The following ATP6V1C2 variants were observed in gnomAD, a reference collection of about 807,000 sequenced individuals.
ATP6V1C2 encodes V-type proton ATPase subunit C 2.
In ATP6V1C2, 45 loss-of-function variants were observed where a neutral mutation model predicts 56.8. That is an observed-to-expected ratio of 0.79 (90% CI 0.62 to 1.02). ATP6V1C2 has a LOEUF of 1.02. Ranked by LOEUF, ATP6V1C2 falls within the 50% of genes least tolerant of loss-of-function variation. The probability of loss-of-function intolerance (pLI) is 0.00; values close to 1 mark genes in which losing one functional copy is unlikely to be tolerated. For missense variants in ATP6V1C2, 463 were observed against 519.7 expected (o/e 0.89, Z 1.06); for synonymous variants, 220 against 201.3 (o/e 1.09, Z -0.79).
intron 6 of ATP6V1C2, among the ~76,000 whole-genome samples, chr2:10,770,269 G>A (rs897955034): frequency 2.6e-5 from 4 of 152,034 alleles, no homozygotes; most frequent in East Asian, 1.9e-4. Flanking sequence ...GTCATGGTGC[G>A]TGCCTGTAAT....
chr2:10,769,940 C>T (rs1558418775), intron 6 of ATP6V1C2: 1 of 152,202 alleles, frequency 6.6e-6, no homozygotes, highest in Non-Finnish European at 1.5e-5. Flanking sequence ...GCAGGGAGCC[C>T]CGAACCAGCT....
intron 3 of ATP6V1C2, among the ~76,000 whole-genome samples, chr2:10,739,117 AC>A (rs1473302440): frequency 6.6e-6 from 1 of 152,092 alleles, no homozygotes; most frequent in Non-Finnish European, 1.5e-5. Context: ...CCCCATCTCT[AC>A]TAAAAATAGA....
intron 3 of ATP6V1C2, among the ~76,000 whole-genome samples, chr2:10,743,380 CA>C (rs1387664527): frequency 2.0e-5 from 3 of 149,932 alleles, no homozygotes; most frequent in African/African-American, 7.3e-5. Context: ...GCTGGGATTA[CA>C]GGTGTGAGCC....
chr2:10,778,415 G>A, intron 11 of ATP6V1C2, 157 bp from the exon 12 acceptor site: 1 of 671,296 alleles, frequency 1.5e-6, no homozygotes, highest in Admixed American at 2.6e-5. Flanking sequence ...TCGAGGTCCT[G>A]AGCCTGACCC....
intron 3 of ATP6V1C2, among the ~76,000 whole-genome samples, chr2:10,740,249 G>T (rs895277914): frequency 6.6e-6 from 1 of 152,168 alleles, no homozygotes; most frequent in Non-Finnish European, 1.5e-5. Flanking sequence ...AGCTTGGTTC[G>T]TGTACCTGGC....
intron 5 of ATP6V1C2, among the ~76,000 whole-genome samples, chr2:10,766,482 T>C (rs1448450466): frequency 6.6e-6 from 1 of 152,232 alleles, no homozygotes. Flanking sequence ...TCGAAAGCCC[T>C]AGTTCCTATC....
chr2:10,776,285 G>A (rs955331698), intron 10 of ATP6V1C2, among the ~76,000 whole-genome samples: 53 of 143,376 alleles, frequency 3.7e-4, no homozygotes, highest in African/African-American at 7.5e-4. Flanking sequence ...GTGTGTGCGC[G>A]CGCACGTGCA....
At chr2:10,726,649 A>C in intron 3 of ATP6V1C2, 80 bp downstream of exon 3, 1 of 1,340,462 alleles carries the variant, frequency 7.5e-7, no homozygotes, top group Non-Finnish European at 1.1e-6. Context: ...GCTTTGGCTG[A>C]ACCGGAGTAT....
intron 5 of ATP6V1C2, among the ~76,000 whole-genome samples, chr2:10,767,280 C>T (rs2148486673): frequency 6.7e-6 from 1 of 150,208 alleles, no homozygotes; most frequent in African/African-American, 2.4e-5. Context: ...CCTGCCTCAG[C>T]CTCCCGAGTA....
At chr2:10,778,382 C>T (rs1211565194) in intron 11 of ATP6V1C2, 190 bp from the exon 12 acceptor site, 2 of 596,044 alleles carry the variant, frequency 3.4e-6, no homozygotes, top group Admixed American at 2.9e-5. Context: ...GCTGAGCTTC[C>T]CCGGCACCAG....
rs530702767 is a variant in ATP6V1C2 at position 10,733,629 on chromosome 2, A to G, written c.197+7060A>G. ...ATGAACATTTGAAAAACCAAATGCTATTATCTTAAAAAAAAAAAACCTCTC... is the reference window on the plus strand; with the variant it reads ...ATGAACATTTGAAAAACCAAATGCTGTTATCTTAAAAAAAAAAAACCTCTC... On this transcript the variant is annotated intron_variant, in intron 3 of 13. Coordinates refer to ENST00000272238, the MANE Select transcript of ATP6V1C2 (RefSeq NM_001039362.2). Among the ~76,000 whole-genome samples the G allele has an allele frequency of 1.6e-4, 24 of 146,310 alleles. No homozygotes were observed. In the South Asian group the frequency reaches 5.2e-3, roughly 31 times the overall value.
chr2:10,758,909 C>T (rs560615901), intron 4 of ATP6V1C2, among the ~76,000 whole-genome samples: 9 of 152,282 alleles, frequency 5.9e-5, no homozygotes, highest in South Asian at 4.1e-4. Context: ...CCTTGTGATC[C>T]GCCCGTCTCA....
chr2:10,763,360 T>C lies in ATP6V1C2; in HGVS notation c.284-971T>C, dbSNP rs1664034272. Among the ~76,000 whole-genome samples, 1 of 152,076 alleles carries C rather than the reference T, an allele frequency of 6.6e-6. No individual in the cohort carries two copies. The highest frequency in any genetic ancestry group is 1.5e-5 in the Non-Finnish European group (1 of 67,992). On this transcript the variant is annotated intron_variant, in intron 4 of 13. Transcript: ENST00000272238. The surrounding 1 kb of genome is among the most constrained non-coding windows in gnomAD (Gnocchi z 4.2). ...AGGAGCCGGCGCCAGCTCTTTGTCC[T>C]CCCTTAGCACTCTAGGCGGTTATCA... is the stretch of plus-strand genomic sequence containing the variant.
chr2:10,724,256 C>T (rs191623761), intron 2 of ATP6V1C2, among the ~76,000 whole-genome samples: 113 of 152,282 alleles, frequency 7.4e-4, no homozygotes, highest in Non-Finnish European at 3.2e-4. Flanking sequence ...TTTGCCCCTC[C>T]GCCCAAACAG....
intron 4 of ATP6V1C2, among the ~76,000 whole-genome samples, chr2:10,761,459 C>T (rs997249309): frequency 8.5e-5 from 13 of 152,152 alleles, no homozygotes; most frequent in African/African-American, 3.1e-4. Flanking sequence ...CCTGCTCTTA[C>T]TTCCACCCCG....
At chr2:10,768,495 G>C (rs1213996031) in intron 5 of ATP6V1C2, among the ~76,000 whole-genome samples, 1 of 152,202 alleles carries the variant, frequency 6.6e-6, no homozygotes, top group Admixed American at 6.5e-5. Flanking sequence ...AGGAAAGGTT[G>C]GGCTCACTGA....
At chr2:10,768,899 G>A in intron 6 of ATP6V1C2, 89 bp downstream of exon 6, 1 of 1,038,714 alleles carries the variant, frequency 9.6e-7, no homozygotes, top group Non-Finnish European at 1.5e-6. Context: ...CCACCTGGGA[G>A]TCTGTGCCCA....
chr2:10,722,487 T>C (rs1008746978), intron 1 of ATP6V1C2, among the ~76,000 whole-genome samples: 1 of 152,016 alleles, frequency 6.6e-6, no homozygotes, highest in African/African-American at 2.4e-5. Flanking sequence ...AAGACAAATA[T>C]TCCCCCAGAA....
In ATP6V1C2 at chr2:10,774,975, A is replaced by C; in HGVS notation, c.732-3A>C. 2 of 1,613,988 alleles carry C rather than the reference A, an allele frequency of 1.2e-6. No homozygotes were observed. Among genetic ancestry groups the C allele is most frequent in the Non-Finnish European group, 1.7e-6 (2 of 1,179,852 alleles). On this transcript the variant is annotated splice_region_variant and splice_polypyrimidine_tract_variant and intron_variant, in intron 9 of 13. Coordinates refer to ENST00000272238, the MANE Select transcript of ATP6V1C2 (RefSeq NM_001039362.2). The stretch of plus-strand genomic sequence containing the variant: ...TGAAAACCCATGATTTGCTTGTTTT[A>C]AGGTTCACTGTTCGTGAATTTTACT...
Sources: gnomAD v4.1 joint callset for allele counts (sites outside exome capture counted in the v4.1 genomes callset) on GRCh38, gnomAD v4.1.1 for gene constraint, Gnocchi (gnomAD v3.1) non-coding constraint, MANE v1.5 for transcripts, NCBI Gene and HGNC (gene_info 2026-07-23, HGNC 2026-07-21) for gene names.